Variants in CACNA1C observed in about 807,000 individuals in gnomAD.
The protein encoded by CACNA1C is voltage-dependent L-type calcium channel subunit alpha-1C.
In CACNA1C, 30 loss-of-function variants were observed where a neutral mutation model predicts 229.0. The ratio of observed to expected loss-of-function variants is 0.13; its 90% CI spans 0.10 to 0.18. The LOEUF is 0.18. Ranked by LOEUF, CACNA1C falls within the 10% of genes least tolerant of loss-of-function variation. The pLI, the probability that CACNA1C is intolerant of heterozygous loss-of-function variation, is 1.00. For synonymous variants in CACNA1C, 1,114 were observed against 1,132.5 expected (o/e 0.98, Z 0.33); for missense variants, 1,658 against 2,845.0 (o/e 0.58, Z 9.49).
At chr12:2,448,081 A>C (rs898991165) in intron 3 of CACNA1C, among the ~76,000 whole-genome samples, 5 of 152,202 alleles carry the variant, frequency 3.3e-5, no homozygotes, top group African/African-American at 1.2e-4. Flanking sequence ...GTGTGGGAGA[A>C]AGCAATTAGT....
chr12:2,390,533 A>G (rs1334174765), intron 3 of CACNA1C, among the ~76,000 whole-genome samples: 2 of 152,224 alleles, frequency 1.3e-5, no homozygotes, highest in Admixed American at 6.5e-5. Flanking sequence ...ATTCTGTGTG[A>G]TAAGTTTTGA....
chr12:2,543,269 G>T (rs1379875380), intron 9 of CACNA1C, among the ~76,000 whole-genome samples: 3 of 152,144 alleles, frequency 2.0e-5, no homozygotes, highest in Admixed American at 6.5e-5. Flanking sequence ...TTATGACATT[G>T]CCTGCAGATG....
At chr12:2,451,763 G>T (rs926422064) in intron 4 of CACNA1C, among the ~76,000 whole-genome samples, 1 of 152,322 alleles carries the variant, frequency 6.6e-6, no homozygotes, top group Non-Finnish European at 1.5e-5. Flanking sequence ...TCTCCCTAGG[G>T]CCTAGGCCAT....
intron 29 of CACNA1C, among the ~76,000 whole-genome samples, chr12:2,617,807 T>C (rs2081367847): frequency 6.6e-6 from 1 of 152,172 alleles, no homozygotes; most frequent in Non-Finnish European, 1.5e-5. Context: ...CGCATATGGA[T>C]GGGCAGAGGG....
intron 3 of CACNA1C, among the ~76,000 whole-genome samples, chr12:2,291,778 G>A (rs759285132): frequency 6.6e-6 from 1 of 152,106 alleles, no homozygotes; most frequent in African/African-American, 2.4e-5. Flanking sequence ...CACTGGAATC[G>A]GTCCTTTTGC....
intron 11 of CACNA1C, among the ~76,000 whole-genome samples, chr12:2,560,847 G>GT (rs2047057239): frequency 5.7e-5 from 1 of 17,438 alleles, no homozygotes; most frequent in Non-Finnish European, 1.5e-4. Context: ...GTTGGTTCTG[G>GT]TAAAAAAAAA....
At chr12:2,594,810 G>A (rs1460974790) in intron 19 of CACNA1C, among the ~76,000 whole-genome samples, 1 of 152,310 alleles carries the variant, frequency 6.6e-6, no homozygotes, top group Admixed American at 6.5e-5. Context: ...CCTAAAGTAG[G>A]TCTGGGGAGA....
intron 3 of CACNA1C, among the ~76,000 whole-genome samples, chr12:2,322,501 T>A (rs771748602): frequency 3.3e-5 from 5 of 152,146 alleles, no homozygotes; most frequent in African/African-American, 4.8e-5. Flanking sequence ...ATCTGCACGA[T>A]CTGCAGGCTC....
intron 1 of CACNA1C, among the ~76,000 whole-genome samples, chr12:2,097,332 G>A (rs1595750527): frequency 6.6e-6 from 1 of 151,814 alleles, no homozygotes; most frequent in South Asian, 2.1e-4. Context: ...ATTTTTAGTA[G>A]AGACGGGGTT....
Position 2,348,091 on chromosome 12 carries a change from C to T in CACNA1C, c.478-100885C>T, listed in dbSNP as rs537190822. ...TAGAAACTGCAGTGAGGTGACTGTG[C>T]GGCAGGCCCACTCTCAACTCGAGGG... On this transcript the variant is annotated intron_variant, in intron 3 of 46. Transcript: ENST00000399655. The surrounding 1 kb of genome is among the most constrained non-coding windows in gnomAD (Gnocchi z 4.7). Among the ~76,000 whole-genome samples the T allele has an allele frequency of 8.5e-5, 13 of 152,288 alleles. No individual in the cohort carries two copies. In the East Asian group the frequency reaches 9.7e-4, roughly 11 times the overall value.
intron 13 of CACNA1C, among the ~76,000 whole-genome samples, chr12:2,572,467 TTC>T (rs1568498983): frequency 2.9e-4 from 11 of 37,832 alleles, no homozygotes; most frequent in South Asian, 2.5e-3. Context: ...CCTCCTCCTC[TTC>T]CTCCTTCTCC....
chr12:2,583,145 G>T (rs1473990068), intron 15 of CACNA1C, among the ~76,000 whole-genome samples: 1 of 152,212 alleles, frequency 6.6e-6, no homozygotes, highest in Non-Finnish European at 1.5e-5. Context: ...AACCCTCCGG[G>T]CCCGCAGCGG....
chr12:2,052,892 G>C (rs2052663517), upstream of CACNA1C: 1 of 736,150 alleles, frequency 1.4e-6, no homozygotes, highest in Non-Finnish European at 1.6e-6. Flanking sequence ...CCTCCGGCGC[G>C]CCGGGCGGGC....
intron 8 of CACNA1C, among the ~76,000 whole-genome samples, chr12:2,505,602 C>T (rs577575743): frequency 6.6e-6 from 1 of 152,266 alleles, no homozygotes; most frequent in East Asian, 1.9e-4. Context: ...GAGTTCAAGG[C>T]TGCAGTGAGC....
intron 3 of CACNA1C, among the ~76,000 whole-genome samples, chr12:2,263,859 A>G (rs904301605): frequency 6.6e-6 from 1 of 152,104 alleles, no homozygotes; most frequent in Non-Finnish European, 1.5e-5. Context: ...ATGCCCAAGT[A>G]GAGACTGACT....
chr12:2,061,176 A>G (rs1035900269), intron 1 of CACNA1C, among the ~76,000 whole-genome samples: 3 of 151,380 alleles, frequency 2.0e-5, no homozygotes, highest in African/African-American at 7.3e-5. Flanking sequence ...TCCTTAGCCA[A>G]TTCACTTCGC....
intron 3 of CACNA1C, among the ~76,000 whole-genome samples, chr12:2,429,216 C>G (rs2154557967): frequency 6.6e-6 from 1 of 152,162 alleles, no homozygotes; most frequent in African/African-American, 2.4e-5. Context: ...CCCACAAACT[C>G]CAGGATGACC....
chr12:2,589,864 G>A (rs1029564841), intron 18 of CACNA1C, among the ~76,000 whole-genome samples: 4 of 152,174 alleles, frequency 2.6e-5, no homozygotes, highest in Non-Finnish European at 5.9e-5. Flanking sequence ...AGGACCAGCT[G>A]GATTCACTCA....
intron 3 of CACNA1C, among the ~76,000 whole-genome samples, chr12:2,130,193 C>CTTTTTTT (rs35630466): frequency 1.8e-5 from 2 of 114,132 alleles, no homozygotes; most frequent in Admixed American, 9.1e-5. Context: ...TGAGACCTTT[C>CTTTTTTT]TTTTTTTTTT....
Sources: gnomAD v4.1 joint callset for allele counts (sites outside exome capture counted in the v4.1 genomes callset) on GRCh38, gnomAD v4.1.1 for gene constraint, Gnocchi (gnomAD v3.1) non-coding constraint, MANE v1.5 for transcripts, NCBI Gene and HGNC (gene_info 2026-07-23, HGNC 2026-07-21) for gene names.